RALB: variants seen among roughly 807,000 people sequenced by gnomAD.
RALB encodes RAS like proto-oncogene B.
Under a neutral mutation model 21.3 loss-of-function variants are expected in RALB, and 16 were observed. That is an observed-to-expected ratio of 0.75 (90% CI 0.51 to 1.14). RALB has a LOEUF of 1.14. Among genes scored for constraint, RALB ranks in the 50% most tolerant of loss-of-function variants. RALB has a pLI of 0.00. For synonymous variants in RALB, 93 were observed against 96.1 expected (o/e 0.97, Z 0.19); for missense variants, 161 against 256.2 (o/e 0.63, Z 2.54).
upstream of RALB, chr2:120,252,793 G>A: frequency 5.1e-6 from 5 of 985,492 alleles, no homozygotes; most frequent in Non-Finnish European, 4.8e-6. Context: ...CGGAAGCGAG[G>A]GCGCGCTCTC....
chr2:120,241,452 A>G (rs1285726750), intron 1 of RALB, among the ~76,000 whole-genome samples: 1 of 152,228 alleles, frequency 6.6e-6, no homozygotes, highest in Non-Finnish European at 1.5e-5. Flanking sequence ...AGGGCCAGGC[A>G]TGGTGGCTCA....
chr2:120,277,641 C>G lies in RALB; in HGVS notation c.-47-977C>G, dbSNP rs538239815. On this transcript the variant is annotated intron_variant, in intron 1 of 4. Coordinates refer to ENST00000272519, the MANE Select transcript of RALB (RefSeq NM_002881.3). ...ATGTGAGCTTGTGAGTGTACATGAGCACAAATTTGAAAGTGTTGTGAGAGC... is the reference window on the plus strand; with the variant it reads ...ATGTGAGCTTGTGAGTGTACATGAGGACAAATTTGAAAGTGTTGTGAGAGC... 2.1e-5 allele frequency among the ~76,000 whole-genome samples: 3 copies of G among 144,874 alleles called. No homozygotes were observed. In the East Asian group the frequency reaches 6.0e-4, roughly 29 times the overall value.
intron 1 of RALB, among the ~76,000 whole-genome samples, chr2:120,255,480 T>C (rs4849844): frequency 0.69 from 105,587 of 152,024 alleles, 37,251 homozygotes; most frequent in Middle Eastern, 0.8. Flanking sequence ...GACCATGGGC[T>C]GTCTCCTTTA....
intron 1 of RALB, among the ~76,000 whole-genome samples, chr2:120,264,068 C>T (rs766544358): frequency 1.3e-5 from 2 of 150,300 alleles, no homozygotes; most frequent in Non-Finnish European, 3.0e-5. Context: ...AGGTTGGGCT[C>T]GAACTCCTGA....
intron 2 of RALB, among the ~76,000 whole-genome samples, chr2:120,281,119 A>G (rs1216737643): frequency 6.6e-6 from 1 of 152,180 alleles, no homozygotes; most frequent in Non-Finnish European, 1.5e-5. Flanking sequence ...ACTCCACTCA[A>G]GGTGTCAGCT....
intron 2 of RALB, among the ~76,000 whole-genome samples, chr2:120,285,428 G>A (rs570827204): frequency 7.1e-4 from 108 of 152,162 alleles, no homozygotes; most frequent in African/African-American, 2.4e-3. Flanking sequence ...TTATACTTCC[G>A]TTATGAATAA....
intron 1 of RALB, among the ~76,000 whole-genome samples, chr2:120,247,277 A>G (rs552841673): frequency 6.6e-6 from 1 of 152,370 alleles, no homozygotes; most frequent in East Asian, 1.9e-4. Flanking sequence ...GTAAACTATG[A>G]CAGCAGAAAG....
intron 1 of RALB, among the ~76,000 whole-genome samples, chr2:120,245,131 G>A (rs142015585): frequency 0.013 from 2,014 of 152,370 alleles, 76 homozygotes; most frequent in Admixed American, 0.085. Context: ...GCATGGGCTC[G>A]TTGACTGACT....
chr2:120,259,418 C>A (rs182250556), intron 1 of RALB, among the ~76,000 whole-genome samples: 4 of 152,302 alleles, frequency 2.6e-5, no homozygotes, highest in African/African-American at 9.6e-5. Flanking sequence ...TTCTCCAGGG[C>A]CCCACCAGAG....
At chr2:120,240,986 T>G (rs1260729127) in intron 1 of RALB, among the ~76,000 whole-genome samples, 2 of 151,924 alleles carry the variant, frequency 1.3e-5, no homozygotes, top group South Asian at 2.1e-4. Flanking sequence ...TGCCTACAGC[T>G]GGAAAGGAGG....
intron 4 of RALB, among the ~76,000 whole-genome samples, chr2:120,291,250 G>GTA (rs1690296886): frequency 6.6e-6 from 1 of 152,172 alleles, no homozygotes; most frequent in South Asian, 2.1e-4. Context: ...TACATATATT[G>GTA]TACAACCTAA....
chr2:120,240,248 C>A, intron 1 of RALB: 2 of 857,384 alleles, frequency 2.3e-6, no homozygotes, highest in Non-Finnish European at 3.3e-6. Flanking sequence ...CCTGGGGTCA[C>A]ACAGCATGTA....
At chr2:120,243,905 G>A (rs1204072634) in intron 1 of RALB, among the ~76,000 whole-genome samples, 1 of 152,152 alleles carries the variant, frequency 6.6e-6, no homozygotes, top group Non-Finnish European at 1.5e-5. Context: ...GGCTGTATTA[G>A]TCTGTTCTCA....
intron 4 of RALB, 137 bp downstream of exon 4, chr2:120,289,894 TATC>T (rs2104665046): frequency 1.3e-6 from 1 of 785,000 alleles, no homozygotes; most frequent in East Asian, 3.0e-5. Context: ...TCTAAGCCAT[TATC>T]ATGATTATAA....
At chr2:120,255,845 TA>T (rs1392757444) in intron 1 of RALB, among the ~76,000 whole-genome samples, 1 of 152,226 alleles carries the variant, frequency 6.6e-6, no homozygotes, top group African/African-American at 2.4e-5. Flanking sequence ...AAAATGCCAT[TA>T]ATTGATAATT....
rs1227827268 is a variant in RALB at position 120,285,877 on chromosome 2, G to A, written c.118G>A (p.Val40Ile). The change falls in exon 3 of 5, where the codon GTA becomes ATA. Residue 40 changes from valine to isoleucine, a missense_variant. Coordinates refer to ENST00000272519, the MANE Select transcript of RALB (RefSeq NM_002881.3). ...LTLQFMYDEF[V>I]EDYEPTKADS... The stretch of plus-strand genomic sequence containing the variant: ...CCGATAATGTTTATTTCCTCAGTTT[G>A]TAGAAGACTATGAACCTACCAAAGC... The A allele has an allele frequency of 3.1e-6, 5 of 1,612,014 alleles. No individual in the cohort carries two copies. Among genetic ancestry groups the A allele is most frequent in the Non-Finnish European group, 4.2e-6 (5 of 1,178,234 alleles).
chr2:120,270,725 T>C (rs1006723116), intron 1 of RALB, among the ~76,000 whole-genome samples: 1 of 152,224 alleles, frequency 6.6e-6, no homozygotes, highest in African/African-American at 2.4e-5. Flanking sequence ...CAGTCTCCCC[T>C]TGGTGTTCTC....
intron 2 of RALB, among the ~76,000 whole-genome samples, chr2:120,283,575 G>A (rs559311142): frequency 2.1e-4 from 32 of 152,334 alleles, no homozygotes; most frequent in African/African-American, 7.0e-4. Flanking sequence ...AGCTGCCAGG[G>A]TGGCAGCAGT....
intron 3 of RALB, 106 bp downstream of exon 3, chr2:120,286,188 G>A (rs1421955656): frequency 9.3e-6 from 8 of 857,734 alleles, no homozygotes; most frequent in Non-Finnish European, 1.5e-5. Flanking sequence ...GGAGAGGGCT[G>A]AGCTTGTTCT....
Sources: gnomAD v4.1 joint callset for allele counts (sites outside exome capture counted in the v4.1 genomes callset) on GRCh38, gnomAD v4.1.1 for gene constraint, MANE v1.5 for transcripts, NCBI Gene and HGNC (gene_info 2026-07-23, HGNC 2026-07-21) for gene names.